SLC10A2: variants seen among roughly 807,000 people sequenced by gnomAD.
The protein encoded by SLC10A2 is solute carrier family 10 member 2, also known as ileal sodium/bile acid cotransporter.
In SLC10A2, 34 loss-of-function variants were observed where a neutral mutation model predicts 27.1. The ratio of observed to expected loss-of-function variants is 1.26; its 90% confidence interval spans 0.96 to 1.67. The LOEUF is 1.67. Ranked by LOEUF, SLC10A2 falls within the 40% of genes most tolerant of loss-of-function variation. SLC10A2 has a pLI of 0.00. For synonymous variants in SLC10A2, 205 were observed against 174.0 expected (o/e 1.18, Z -1.40); for missense variants, 530 against 444.4 (o/e 1.19, Z -1.73).
At chr13:103,058,929 G>A (rs1479274225) in intron 1 of SLC10A2, among the ~76,000 whole-genome samples, 1 of 152,224 alleles carries the variant, frequency 6.6e-6, no homozygotes, top group Non-Finnish European at 1.5e-5. Context: ...ATGTGTGCAT[G>A]TGTCTTTATA....
intron 4 of SLC10A2, 113 bp downstream of exon 4, chr13:103,051,144 T>A: frequency 1.0e-6 from 1 of 973,742 alleles, no homozygotes; most frequent in Non-Finnish European, 1.6e-6. Flanking sequence ...AGACAATAAG[T>A]GTCTGTTGTT....
At chr13:103,058,182 T>C in intron 2 of SLC10A2, 82 bp downstream of exon 2, 1 of 858,592 alleles carries the variant, frequency 1.2e-6, no homozygotes. Flanking sequence ...CGGTCAGGTG[T>C]GAGCCTGGTC....
rs567878317 is a variant in SLC10A2, at chr13:103,059,917, G to A, written c.378-1535C>T. 5.9e-5 allele frequency among the ~76,000 whole-genome samples: 9 copies of A among 152,304 alleles called. No homozygotes were observed. The East Asian group carries it at 1.5e-3, about 26-fold the overall frequency. ...ATCAAAAGAAAGCATGCAAGCGGCA[G>A]GGTAGACATAAATTCTTAGCACTGA... On this transcript the variant is annotated intron_variant, in intron 1 of 5. Transcript: ENST00000245312.
At chr13:103,054,591 C>T (rs1787174850) in intron 2 of SLC10A2, among the ~76,000 whole-genome samples, 1 of 121,618 alleles carries the variant, frequency 8.2e-6, no homozygotes, top group African/African-American at 2.6e-5. Flanking sequence ...TCTGTTTGGC[C>T]CCTCCTGCTA....
chr13:103,059,590 T>G (rs1220869029), intron 1 of SLC10A2, among the ~76,000 whole-genome samples: 1 of 152,174 alleles, frequency 6.6e-6, no homozygotes, highest in African/African-American at 2.4e-5. Context: ...TCCCTCCCCT[T>G]TTATTCTTAA....
intron 2 of SLC10A2, among the ~76,000 whole-genome samples, chr13:103,057,281 T>C (rs1875966625): frequency 6.6e-6 from 1 of 152,212 alleles, no homozygotes; most frequent in African/African-American, 2.4e-5. Flanking sequence ...ATTCCTGGTA[T>C]ACCAGGAACT....
intron 5 of SLC10A2, among the ~76,000 whole-genome samples, chr13:103,047,101 C>T (rs147050796): frequency 6.6e-6 from 1 of 152,166 alleles, no homozygotes; most frequent in African/African-American, 2.4e-5. Flanking sequence ...TCTAATACCT[C>T]ACATATAAAA....
chr13:103,066,238 CG>C lies in SLC10A2; in HGVS notation c.11del (p.Pro4ArgfsTer27). 1 of 1,604,484 alleles carries C rather than the reference CG, an allele frequency of 6.2e-7. No individual in the cohort carries two copies. Among genetic ancestry groups the C allele is most frequent in the Non-Finnish European group, 8.5e-7 (1 of 1,172,818 alleles). The part of the protein sequence containing the change: MND[P>X]NSCVDNATVC... ...CTGTTGCATTGTCCACACAGCTGTT[CG>C]GATCATTCATTGCTGGGTCTGCTGC... On this transcript the variant is annotated frameshift_variant, in exon 1 of 6. Transcript: ENST00000245312. LOFTEE classifies it high-confidence loss of function.
chr13:103,044,779 A>G lies in SLC10A2; in HGVS notation c.*1354T>C, dbSNP rs1875560114. On this transcript the variant is annotated 3_prime_UTR_variant, in exon 6 of 6. Coordinates refer to ENST00000245312, the MANE Select transcript of SLC10A2 (RefSeq NM_000452.3). The stretch of plus-strand genomic sequence containing the variant: ...GCAAAATGGAACAAAACCACTAAGG[A>G]CCGAGTGGTTAAGATTGTGTATTCT... 6.6e-6 allele frequency: 1 copy of G among 152,196 alleles called. No individual in the cohort carries two copies. Among genetic ancestry groups the G allele is most frequent in the South Asian group, 2.1e-4 (1 of 4,830 alleles). 9.4% of individuals were successfully genotyped at this position (152,196 alleles called of 1,614,324 possible).
intron 2 of SLC10A2, among the ~76,000 whole-genome samples, chr13:103,056,999 C>T (rs1875957037): frequency 6.6e-6 from 1 of 152,186 alleles, no homozygotes; most frequent in South Asian, 2.1e-4. Context: ...CAGTCTTTCT[C>T]AGAAATGGAA....
chr13:103,065,959 G>C lies in SLC10A2; in HGVS notation c.291C>G (p.Ala97=). ...AGCATCCTATAATGAGCACCACTAC[G>C]GCCTGGAGCGGGAGGATGTCAAAGG... is the stretch of plus-strand genomic sequence containing the variant. The part of the protein sequence containing the change: ...SVAFDILPLQ[A]VVVLIIGCCP... Residue 97 remains alanine (A), a synonymous_variant, in exon 1 of 6, where the codon GCC becomes GCG. Coordinates refer to ENST00000245312, the MANE Select transcript of SLC10A2 (RefSeq NM_000452.3). 6.2e-7 allele frequency: 1 copy of C among 1,614,112 alleles called. No homozygotes were observed. The highest frequency in any genetic ancestry group is 8.5e-7 in the Non-Finnish European group (1 of 1,179,996).
intron 2 of SLC10A2, among the ~76,000 whole-genome samples, chr13:103,056,731 C>A (rs566687138): frequency 6.4e-4 from 98 of 152,070 alleles, no homozygotes; most frequent in Admixed American, 6.6e-4. Context: ...TGGAGGGTCA[C>A]CCTAAAGTCT....
intron 2 of SLC10A2, among the ~76,000 whole-genome samples, chr13:103,054,302 T>A (rs1437842341): frequency 1.3e-5 from 2 of 152,206 alleles, no homozygotes; most frequent in African/African-American, 4.8e-5. Context: ...CCATGCTTCC[T>A]GTACAGTCTG....
chr13:103,048,641 G>A (rs1273425299), intron 5 of SLC10A2, among the ~76,000 whole-genome samples: 1 of 152,126 alleles, frequency 6.6e-6, no homozygotes, highest in African/African-American at 2.4e-5. Flanking sequence ...AAAGGAAAAT[G>A]TAGAAAGAAT....
chr13:103,045,218 TC>T lies in SLC10A2; in HGVS notation c.*914del, dbSNP rs1875573749. ...CTTGGTGTTTCTCTCAATACTTCTG[TC>T]TTTGCACCTCCTGCCACCTCCCTGA... On this transcript the variant is annotated 3_prime_UTR_variant, in exon 6 of 6. Transcript: ENST00000245312. 1 of 152,300 alleles carries T rather than the reference TC, an allele frequency of 6.6e-6. No homozygotes were observed. Among genetic ancestry groups the T allele is most frequent in the African/African-American group, 2.4e-5 (1 of 41,454 alleles). The allele number at this position is 152,300 out of a possible 1,614,324, so 9.4% of individuals were successfully genotyped here.
chr13:103,050,476 C>A (rs1299436142), intron 4 of SLC10A2, among the ~76,000 whole-genome samples: 1 of 152,164 alleles, frequency 6.6e-6, no homozygotes, highest in East Asian at 1.9e-4. Context: ...GTGTGAAACC[C>A]ATTTTAATAT....
chr13:103,050,414 A>G (rs1273366986), intron 4 of SLC10A2, among the ~76,000 whole-genome samples: 7 of 152,126 alleles, frequency 4.6e-5, no homozygotes, highest in Admixed American at 3.3e-4. Flanking sequence ...CTGCCTGTGG[A>G]TTCGATGGAT....
At chr13:103,050,206 T>G (rs925796346) in intron 4 of SLC10A2, among the ~76,000 whole-genome samples, 8 of 152,104 alleles carry the variant, frequency 5.3e-5, no homozygotes, top group Non-Finnish European at 1.2e-4. Flanking sequence ...AGGTAGAAAT[T>G]ATTGTCCCCA....
At chr13:103,052,996 C>T in intron 2 of SLC10A2, among the ~76,000 whole-genome samples, 1 of 151,288 alleles carries the variant, frequency 6.6e-6, no homozygotes, top group Non-Finnish European at 1.5e-5. Flanking sequence ...TCTTATTTTG[C>T]CAGCATACAT....
Sources: gnomAD v4.1 joint callset for allele counts (sites outside exome capture counted in the v4.1 genomes callset) on GRCh38, gnomAD v4.1.1 for gene constraint, MANE v1.5 for transcripts, NCBI Gene and HGNC (gene_info 2026-07-23, HGNC 2026-07-21) for gene names.